Variants in C2orf74 observed in about 807,000 individuals in gnomAD.
The protein encoded by C2orf74 is DPM1 ER membrane anchor 1, also known as uncharacterized protein C2orf74.
In C2orf74, 14 loss-of-function variants were observed where a neutral mutation model predicts 17.9. The ratio of observed to expected loss-of-function variants is 0.78; its 90% CI spans 0.52 to 1.22. The LOEUF is 1.22. Ranked by LOEUF, C2orf74 falls within the 50% of genes most tolerant of loss-of-function variation. C2orf74 has a pLI of 0.00. For synonymous variants in C2orf74, 79 were observed against 72.6 expected (o/e 1.09, Z -0.44); for missense variants, 217 against 218.4 (o/e 0.99, Z 0.04).
intron 1 of C2orf74, among the ~76,000 whole-genome samples, chr2:61,145,467 A>G (rs1018771355): frequency 6.6e-6 from 1 of 152,086 alleles, no homozygotes; most frequent in Non-Finnish European, 1.5e-5. Flanking sequence ...TGTGTTGCCC[A>G]AGCTGGAGTG....
rs544010446 is a variant in C2orf74 at position 61,156,024 on chromosome 2, C to T, written c.-121-6818C>T. On this transcript the variant is annotated intron_variant, in intron 1 of 3. Transcript: ENST00000426997. ...ACCAGCCAGGGCAACATAACCAGAC[C>T]GTGTCTCTACAAAAAAATTAAAAAA... 9.2e-4 allele frequency among the ~76,000 whole-genome samples: 139 copies of T among 150,372 alleles called. 1 individual carries two copies. Among genetic ancestry groups the T allele is most frequent in the African/African-American group, 2.4e-4 (10 of 41,022 alleles).
At chr2:61,163,429 C>A (rs944573367) in intron 4 of C2orf74, among the ~76,000 whole-genome samples, 197 bp downstream of exon 4, 1 of 151,816 alleles carries the variant, frequency 6.6e-6, no homozygotes. Context: ...CATGGTGAAA[C>A]CCCGTCTCTA....
rs1045695876 is a variant in C2orf74, at chr2:61,162,475, T to C, written c.-40T>C. On this transcript the variant is annotated 5_prime_UTR_variant, in exon 2 of 5. Coordinates refer to ENST00000432605, the MANE Select transcript of C2orf74 (RefSeq NM_001143959.4). ...GAGCTGGAAAAGAATATTTGGACAG[T>C]CTGTGATTGTGAGAGTGGATGAGTC... 7.0e-7 allele frequency: 1 copy of C among 1,418,824 alleles called. No individual in the cohort carries two copies. The highest frequency in any genetic ancestry group is 9.7e-7 in the Non-Finnish European group (1 of 1,032,008). The allele number at this position is 1,418,824 out of a possible 1,614,324, so 87.9% of individuals were successfully genotyped here. A position where few individuals can be genotyped will look rare whatever the true frequency, so the allele number is the denominator to read the frequency against.
intron 1 of C2orf74, among the ~76,000 whole-genome samples, chr2:61,148,662 C>CA (rs546174702): frequency 1.1e-3 from 162 of 152,230 alleles, no homozygotes; most frequent in Non-Finnish European, 1.9e-3. Flanking sequence ...TATTGATTTA[C>CA]AAGAGTTCTT....
At chr2:61,150,098 G>A (rs1685182781) in intron 1 of C2orf74, among the ~76,000 whole-genome samples, 1 of 152,154 alleles carries the variant, frequency 6.6e-6, no homozygotes, top group Admixed American at 6.6e-5. Context: ...AGCAAGTCAT[G>A]GATATTCTCT....
chr2:61,152,431 C>T (rs1685256851), intron 1 of C2orf74, among the ~76,000 whole-genome samples: 1 of 151,826 alleles, frequency 6.6e-6, no homozygotes, highest in Non-Finnish European at 1.5e-5. Context: ...GTCCCAGCTA[C>T]TCAGGAGGCT....
At chr2:61,149,574 CTTTTTTTTTTTT>C (rs70959895) in intron 1 of C2orf74, among the ~76,000 whole-genome samples, 23 of 80,022 alleles carry the variant, frequency 2.9e-4, no homozygotes, top group Non-Finnish European at 4.6e-4. Flanking sequence ...GGGCGCCTTT[CTTTTTTTTTTTT>C]TTTTTTTTTT....
exon 1 of C2orf74, chr2:61,145,160 G>C (rs1343569482): frequency 6.6e-6 from 1 of 152,282 alleles, no homozygotes; most frequent in African/African-American, 2.4e-5. Context: ...TTAAAATCCT[G>C]CTCTGGCCGG....
chr2:61,160,301 C>A (rs553660543), upstream of C2orf74, among the ~76,000 whole-genome samples: 2 of 152,068 alleles, frequency 1.3e-5, no homozygotes, highest in Admixed American at 6.6e-5. Flanking sequence ...GCTGGGATTA[C>A]GGGCACCTGC....
chr2:61,146,028 A>G lies in C2orf74; in HGVS notation c.-122+832A>G, dbSNP rs995998086. Among the ~76,000 whole-genome samples the G allele has an allele frequency of 2.0e-5, 3 of 152,262 alleles. No homozygotes were observed. The East Asian group carries it at 5.8e-4, about 29-fold the overall frequency. On this transcript the variant is annotated intron_variant, in intron 1 of 3. Coordinates refer to the C2orf74 transcript ENST00000426997. Reference sequence around the variant, plus strand: ...ATAATATTTGCATTTTGATCCAACAATCCCACTTTGGGGAATTTTGCCTCC... The same window carrying G: ...ATAATATTTGCATTTTGATCCAACAGTCCCACTTTGGGGAATTTTGCCTCC...
intron 1 of C2orf74, among the ~76,000 whole-genome samples, chr2:61,147,697 C>A (rs1049407657): frequency 2.0e-5 from 3 of 152,106 alleles, no homozygotes; most frequent in Non-Finnish European, 4.4e-5. Context: ...TAAAAATATT[C>A]TATACGTTGA....
At chr2:61,153,385 A>G (rs932379841) in intron 1 of C2orf74, among the ~76,000 whole-genome samples, 3 of 150,976 alleles carry the variant, frequency 2.0e-5, no homozygotes, top group Non-Finnish European at 3.0e-5. Flanking sequence ...GGTTCATGCC[A>G]TTCTCCTGCC....
intron 1 of C2orf74, among the ~76,000 whole-genome samples, chr2:61,154,830 G>A (rs1298840648): frequency 2.0e-5 from 3 of 152,008 alleles, no homozygotes; most frequent in Non-Finnish European, 4.4e-5. Context: ...CAAGGTAGGC[G>A]GATCGCTTGA....
intron 1 of C2orf74, among the ~76,000 whole-genome samples, chr2:61,154,851 T>C (rs954797910): frequency 6.6e-6 from 1 of 151,866 alleles, no homozygotes; most frequent in African/African-American, 2.4e-5. Context: ...GGTCAGGAGT[T>C]CGAGACCAGT....
intron 1 of C2orf74, among the ~76,000 whole-genome samples, chr2:61,156,622 G>A (rs1685399039): frequency 6.6e-6 from 1 of 152,190 alleles, no homozygotes; most frequent in Non-Finnish European, 1.5e-5. Context: ...GGTGGCTCAT[G>A]CCTGTAATCC....
upstream of C2orf74, among the ~76,000 whole-genome samples, chr2:61,158,504 G>C (rs901753200): frequency 1.3e-5 from 2 of 152,180 alleles, no homozygotes; most frequent in Non-Finnish European, 2.9e-5. Context: ...TGAAACACCA[G>C]GGGTTCTGTC....
chr2:61,164,484 CT>C lies in C2orf74; in HGVS notation c.522del (p.Thr175HisfsTer29). The stretch of plus-strand genomic sequence containing the variant: ...GTTGTGGATCTTGGGAATGAATACC[CT>C]ACACCTCGAAGCTATACTCGAGAAC... ...VIVVDLGNEYPTPRSYTREHK... is the reference protein window; with the variant it reads ...VIVVDLGNEYXTPRSYTREHK... On this transcript the variant is annotated frameshift_variant, in exon 5 of 5. Coordinates refer to ENST00000432605, the MANE Select transcript of C2orf74 (RefSeq NM_001143959.4). LOFTEE classifies it high-confidence loss of function. The C allele has an allele frequency of 6.5e-7, 1 of 1,549,972 alleles. No individual in the cohort carries two copies. Among genetic ancestry groups the C allele is most frequent in the South Asian group, 1.2e-5 (1 of 83,692 alleles).
At chr2:61,156,590 A>T (rs1020777534) in intron 1 of C2orf74, among the ~76,000 whole-genome samples, 3 of 152,250 alleles carry the variant, frequency 2.0e-5, no homozygotes, top group Non-Finnish European at 4.4e-5. Context: ...GTCCAACAAT[A>T]AGAAAATAAT....
At chr2:61,153,528 C>T (rs1227340954) in intron 1 of C2orf74, among the ~76,000 whole-genome samples, 8 of 151,498 alleles carry the variant, frequency 5.3e-5, no homozygotes, top group Non-Finnish European at 5.9e-5. Context: ...GTGATTCACC[C>T]GCCTTGGCCT....
Sources: allele counts gnomAD v4.1 joint callset (sites outside exome capture counted in the v4.1 genomes callset), GRCh38; gene constraint gnomAD v4.1.1; transcripts MANE v1.5; gene names NCBI Gene and HGNC (gene_info 2026-07-23, HGNC 2026-07-21).